The following HSD17B2 variants were observed in gnomAD, a reference collection of about 807,000 sequenced individuals.
The protein encoded by HSD17B2 is 17-beta-hydroxysteroid dehydrogenase type 2.
In HSD17B2, 32 loss-of-function variants were observed where a neutral mutation model predicts 26.9. That is an observed-to-expected ratio of 1.19 (90% CI 0.90 to 1.60). HSD17B2 has a LOEUF of 1.60. Among genes scored for constraint, HSD17B2 ranks in the 40% most tolerant of loss-of-function variants. The pLI, the probability that HSD17B2 is intolerant of heterozygous loss-of-function variation, is 0.00. For synonymous variants in HSD17B2, 246 were observed against 186.7 expected (o/e 1.32, Z -2.59); for missense variants, 613 against 468.6 (o/e 1.31, Z -2.85).
At chr16:82,058,571 C>G (rs1009803952) in intron 1 of HSD17B2, among the ~76,000 whole-genome samples, 3 of 152,068 alleles carry the variant, frequency 2.0e-5, no homozygotes, top group Non-Finnish European at 4.4e-5. Context: ...TGGACTTAGT[C>G]CCCTTACATG....
chr16:82,050,392 C>T (rs116670680), intron 1 of HSD17B2, among the ~76,000 whole-genome samples: 11 of 152,182 alleles, frequency 7.2e-5, no homozygotes, highest in African/African-American at 2.4e-4. Flanking sequence ...CCAACTGCAC[C>T]TAGATATGTC....
At position 82,098,352 on chromosome 16, in the gene HSD17B2, T is replaced by C; in HGVS notation, c.1080T>C (p.Asp360=). 6.2e-7 allele frequency: 1 copy of C among 1,614,180 alleles called. No homozygotes were observed. Among genetic ancestry groups the C allele is most frequent in the African/African-American group, 1.3e-5 (1 of 75,046 alleles). The change falls in exon 5 of 5, where the codon GAT becomes GAC. Residue 360 remains aspartate (D), a synonymous_variant. Transcript: ENST00000199936. ...ACTATTTGCCTATTGGCATATATGA[T>C]TACTTTGCTAAAAGACATTTTGGCC... The part of the protein sequence containing the change: ...LAHYLPIGIY[D]YFAKRHFGQD...
intron 4 of HSD17B2, chr16:82,091,516 A>G (rs1190066808): frequency 1.2e-5 from 2 of 167,824 alleles, no homozygotes; most frequent in African/African-American, 4.8e-5. Flanking sequence ...TTACAATTTA[A>G]AGTTCTTTTT....
chr16:82,070,987 C>T lies in HSD17B2; in HGVS notation c.524C>T (p.Thr175Ile). Reference protein sequence around the residue: ...INNAGVLGFPTDGELLLMTDY... With the variant: ...INNAGVLGFPIDGELLLMTDY... ...AATGCTGGGGTGCTTGGCTTTCCAACTGATGGGGAGCTTCTTCTTATGACT... is the reference window on the plus strand; with the variant it reads ...AATGCTGGGGTGCTTGGCTTTCCAATTGATGGGGAGCTTCTTCTTATGACT... Residue 175 changes from threonine to isoleucine, a missense_variant, in exon 3 of 5, where the codon ACT becomes ATT. Transcript: ENST00000199936. 1.2e-6 allele frequency: 2 copies of T among 1,614,214 alleles called. No homozygotes were observed. Among genetic ancestry groups the T allele is most frequent in the Non-Finnish European group, 1.7e-6 (2 of 1,180,030 alleles).
intron 1 of HSD17B2, among the ~76,000 whole-genome samples, chr16:82,052,945 G>A (rs552001855): frequency 1.3e-5 from 2 of 152,196 alleles, no homozygotes; most frequent in South Asian, 2.1e-4. Context: ...CATATAGCAA[G>A]AGGGCAAGAG....
intron 1 of HSD17B2, among the ~76,000 whole-genome samples, chr16:82,047,249 G>C (rs954454018): frequency 2.6e-5 from 4 of 152,166 alleles, no homozygotes; most frequent in Non-Finnish European, 4.4e-5. Context: ...CCCGGGGTTT[G>C]TTACCTGGCT....
At chr16:82,039,923 G>T (rs1410906219) in intron 1 of HSD17B2, among the ~76,000 whole-genome samples, 1 of 152,148 alleles carries the variant, frequency 6.6e-6, no homozygotes, top group African/African-American at 2.4e-5. Flanking sequence ...GCAGACACAG[G>T]TCTTGTGTGT....
chr16:82,052,855 C>A (rs961723216), intron 1 of HSD17B2, among the ~76,000 whole-genome samples: 1 of 152,240 alleles, frequency 6.6e-6, no homozygotes, highest in Non-Finnish European at 1.5e-5. Context: ...TATTCACTCA[C>A]ATTTCTGGAG....
At chr16:82,051,504 G>T (rs1484804776) in intron 1 of HSD17B2, among the ~76,000 whole-genome samples, 2 of 152,136 alleles carry the variant, frequency 1.3e-5, no homozygotes, top group African/African-American at 4.8e-5. Context: ...CTCATAAGTG[G>T]GAACTGAACT....
Position 82,098,533 on chromosome 16 carries a change from T to C in HSD17B2, c.*97T>C. ...CTCATTAAAGTTGTTTCCCACTCTG[T>C]ATTCTCTGTGAAATTCATTGATTGA... On this transcript the variant is annotated 3_prime_UTR_variant, in exon 5 of 5. Coordinates refer to ENST00000199936, the MANE Select transcript of HSD17B2 (RefSeq NM_002153.3). 7.6e-7 allele frequency: 1 copy of C among 1,323,236 alleles called. No individual in the cohort carries two copies. The highest frequency in any genetic ancestry group is 1.4e-5 in the South Asian group (1 of 69,348). The allele number at this position is 1,323,236 out of a possible 1,614,324, so 82.0% of individuals were successfully genotyped here.
At chr16:82,092,731 A>T (rs918085234) in intron 4 of HSD17B2, 4 of 152,214 alleles carry the variant, frequency 2.6e-5, no homozygotes, top group Non-Finnish European at 5.9e-5. Flanking sequence ...GGTTGGGAGG[A>T]GAATTGAGGA....
Position 82,098,356 on chromosome 16 carries a change from T to G in HSD17B2, c.1084T>G (p.Phe362Val), listed in dbSNP as rs1904919496. 1 of 1,614,054 alleles carries G rather than the reference T, an allele frequency of 6.2e-7. No homozygotes were observed. Among genetic ancestry groups the G allele is most frequent in the South Asian group, 1.1e-5 (1 of 91,082 alleles). ...TTTGCCTATTGGCATATATGATTAC[T>G]TTGCTAAAAGACATTTTGGCCAAGA... ...HYLPIGIYDY[F>V]AKRHFGQDKP... The change falls in exon 5 of 5, where the codon TTT becomes GTT. Residue 362 changes from phenylalanine (F) to valine (V), a missense_variant. Transcript: ENST00000199936.
intron 1 of HSD17B2, among the ~76,000 whole-genome samples, chr16:82,062,874 C>T (rs1914479419): frequency 6.6e-6 from 1 of 152,204 alleles, no homozygotes; most frequent in African/African-American, 2.4e-5. Context: ...ATTCCTTAGC[C>T]ACAGACTTTT....
chr16:82,075,010 C>A (rs1904293977), intron 3 of HSD17B2, among the ~76,000 whole-genome samples: 1 of 151,996 alleles, frequency 6.6e-6, no homozygotes, highest in Non-Finnish European at 1.5e-5. Context: ...CTTCTCTGAC[C>A]ACAATGGACC....
chr16:82,042,477 G>A (rs1207673767), intron 1 of HSD17B2, among the ~76,000 whole-genome samples: 3 of 152,308 alleles, frequency 2.0e-5, no homozygotes, highest in East Asian at 3.9e-4. Context: ...GAAGGCAGCT[G>A]CTTCCTATTT....
intron 1 of HSD17B2, among the ~76,000 whole-genome samples, chr16:82,047,347 G>T (rs1196481398): frequency 6.6e-6 from 1 of 152,288 alleles, no homozygotes; most frequent in East Asian, 1.9e-4. Flanking sequence ...CAATGGCATA[G>T]GAGGGTTTTA....
intron 3 of HSD17B2, among the ~76,000 whole-genome samples, chr16:82,073,029 C>G (rs1197560754): frequency 6.6e-6 from 1 of 152,156 alleles, no homozygotes; most frequent in Non-Finnish European, 1.5e-5. Flanking sequence ...TCACTGTACT[C>G]TAGCCTGGGT....
intron 3 of HSD17B2, chr16:82,071,983 TTTTG>T (rs1231821165): frequency 4.6e-5 from 7 of 152,376 alleles, no homozygotes; most frequent in Non-Finnish European, 7.3e-5. Flanking sequence ...ACTATGCTGT[TTTTG>T]TTTGTTTGCT....
chr16:82,062,513 G>C (rs1189273837), intron 1 of HSD17B2, among the ~76,000 whole-genome samples: 1 of 152,178 alleles, frequency 6.6e-6, no homozygotes, highest in Non-Finnish European at 1.5e-5. Context: ...TGCTTTGGAG[G>C]ATTTGAATAT....
Sources: gnomAD v4.1 joint callset for allele counts (sites outside exome capture counted in the v4.1 genomes callset) on GRCh38, gnomAD v4.1.1 for gene constraint, MANE v1.5 for transcripts, NCBI Gene and HGNC (gene_info 2026-07-23, HGNC 2026-07-21) for gene names.